DOCK9: variants seen among roughly 807,000 people sequenced by gnomAD.
DOCK9 encodes dedicator of cytokinesis 9.
In DOCK9, 89 loss-of-function variants were observed where a neutral mutation model predicts 263.3. That is an observed-to-expected ratio of 0.34 (90% CI 0.28 to 0.40). The LOEUF is 0.40. DOCK9 is among the 10% of genes least tolerant of loss of function. The pLI is 1.00. For missense variants in DOCK9, 2,140 were observed against 2,603.4 expected (o/e 0.82, Z 3.87); for synonymous variants, 976 against 973.1 (o/e 1.00, Z -0.06).
At chr13:99,024,934 T>C (rs1886544483) in intron 1 of DOCK9, among the ~76,000 whole-genome samples, 1 of 152,198 alleles carries the variant, frequency 6.6e-6, no homozygotes, top group Non-Finnish European at 1.5e-5. Flanking sequence ...CATATTTCCC[T>C]GTTTATAGAA....
At chr13:99,015,717 G>A (rs1470675515) in intron 1 of DOCK9, 5 of 1,424,350 alleles carry the variant, frequency 3.5e-6, no homozygotes, top group Admixed American at 2.6e-5. Context: ...GTGACAAGCA[G>A]TCACCGGTAC....
chr13:98,862,381 A>G (rs957445465), intron 32 of DOCK9, among the ~76,000 whole-genome samples: 6 of 152,170 alleles, frequency 3.9e-5, no homozygotes, highest in African/African-American at 1.4e-4. Flanking sequence ...CCCAATCACT[A>G]GCGTCCTTAT....
At chr13:98,869,502 A>T (rs4772152) in intron 27 of DOCK9, among the ~76,000 whole-genome samples, 77,339 of 152,084 alleles carry the variant, frequency 0.51, 20,086 homozygotes, top group Middle Eastern at 0.6. Flanking sequence ...AGAATAATTT[A>T]CTGAGAGCCT....
intron 1 of DOCK9, among the ~76,000 whole-genome samples, chr13:99,005,282 T>C (rs141017708): frequency 6.6e-6 from 1 of 152,208 alleles, no homozygotes; most frequent in Non-Finnish European, 1.5e-5. Context: ...TCTTAACCAA[T>C]ATGTCTCATA....
chr13:99,003,414 G>C (rs1056305972), intron 1 of DOCK9, among the ~76,000 whole-genome samples: 3 of 152,278 alleles, frequency 2.0e-5, no homozygotes, highest in African/African-American at 7.2e-5. Context: ...CTCACCAGGA[G>C]ATCTCATCCC....
chr13:99,058,792 C>T (rs1318571883), intron 1 of DOCK9, among the ~76,000 whole-genome samples: 3 of 152,162 alleles, frequency 2.0e-5, no homozygotes, highest in Admixed American at 1.3e-4. Context: ...TCATAGGGCA[C>T]ATGTAGCAGC....
intron 1 of DOCK9, among the ~76,000 whole-genome samples, chr13:99,051,362 C>T (rs1371257816): frequency 6.6e-6 from 1 of 152,060 alleles, no homozygotes; most frequent in Admixed American, 6.6e-5. Context: ...TCCTGAAAGT[C>T]CCTGAAGCAG....
At chr13:99,027,232 C>CTGG (rs1248004914) in intron 1 of DOCK9, among the ~76,000 whole-genome samples, 1 of 152,130 alleles carries the variant, frequency 6.6e-6, no homozygotes, top group Admixed American at 6.5e-5. Context: ...ATTGGCCAGG[C>CTGG]TGGTATCGAA....
intron 1 of DOCK9, among the ~76,000 whole-genome samples, chr13:99,030,680 T>C (rs946047498): frequency 6.6e-6 from 1 of 152,230 alleles, no homozygotes; most frequent in Non-Finnish European, 1.5e-5. Flanking sequence ...GACAGACTAA[T>C]GATGCCTCAT....
At chr13:98,887,564 C>T (rs1181747260) in intron 18 of DOCK9, among the ~76,000 whole-genome samples, 2 of 125,678 alleles carry the variant, frequency 1.6e-5, no homozygotes, top group Non-Finnish European at 3.1e-5. Flanking sequence ...TGCAGTGAGC[C>T]GAGATCACAC....
At chr13:98,801,810 C>G (rs1198080347) in intron 49 of DOCK9, among the ~76,000 whole-genome samples, 1 of 152,186 alleles carries the variant, frequency 6.6e-6, no homozygotes, top group Non-Finnish European at 1.5e-5. Flanking sequence ...ACAGGCCCAG[C>G]CCCTGTGAAA....
rs753936740 is a variant in DOCK9, at chr13:98,829,338, C to T, written c.4934G>A (p.Arg1645Lys). The change falls in exon 43 of 53, where the codon AGG (arginine) becomes AAG (lysine). Residue 1645 changes from arginine (R) to lysine (K), a missense_variant. Physicochemically the swap from Arg to Lys is conservative, Grantham distance 26. Coordinates refer to ENST00000682017, the MANE Select transcript of DOCK9 (RefSeq NM_001366683.2). This position sits in a 1 kb window ranked among gnomAD's most constrained non-coding sequence, Gnocchi z 4.1. Reference sequence around the variant, plus strand: ...GAGATCGCCATTTTTGACATGGATCCTGGCCATGCTGTCGAGCCACGTCTT... The same window carrying T: ...GAGATCGCCATTTTTGACATGGATCTTGGCCATGCTGTCGAGCCACGTCTT... ...LRKTWLDSMA[R>K]IHVKNGDLSE... 6.2e-7 allele frequency: 1 copy of T among 1,613,172 alleles called. No individual in the cohort carries two copies. The highest frequency in any genetic ancestry group is 8.5e-7 in the Non-Finnish European group (1 of 1,179,642).
At chr13:98,852,790 A>G (rs1231086347) in intron 35 of DOCK9, among the ~76,000 whole-genome samples, 1 of 152,212 alleles carries the variant, frequency 6.6e-6, no homozygotes, top group Admixed American at 6.5e-5. Flanking sequence ...TGTCACACAC[A>G]TTTGCAAGCC....
chr13:98,951,930 T>G (rs1440932048), intron 2 of DOCK9, among the ~76,000 whole-genome samples: 1 of 126,772 alleles, frequency 7.9e-6, no homozygotes, highest in Non-Finnish European at 1.7e-5. Context: ...GGAGTTTTCC[T>G]CTTGTCCCCC....
intron 1 of DOCK9, among the ~76,000 whole-genome samples, chr13:99,044,149 C>T (rs1888738377): frequency 1.3e-5 from 2 of 152,238 alleles, no homozygotes; most frequent in East Asian, 1.9e-4. Flanking sequence ...TCACGCGACA[C>T]TGTTGAATGC....
At chr13:99,086,141 G>T (rs1480560780) in intron 1 of DOCK9, 1 of 1,387,710 alleles carries the variant, frequency 7.2e-7, no homozygotes, top group South Asian at 1.5e-5. Context: ...CAGCCCTGCC[G>T]ACTAAGAGGC....
rs913105672 is a variant in DOCK9 at position 99,075,924 on chromosome 13, A to T, written c.129+10299T>A. Among the ~76,000 whole-genome samples the T allele has an allele frequency of 5.9e-5, 9 of 152,114 alleles. No homozygotes were observed. In the East Asian group the frequency reaches 1.7e-3, roughly 29 times the overall value. On this transcript the variant is annotated intron_variant, in intron 1 of 32. Coordinates refer to the DOCK9 transcript ENST00000427887. ...AGATTAACATTCAATAGAGGGGGGA[A>T]GTCTCTACTACAGGCCCTGACCCAG...
chr13:98,841,794 C>CATTATTATTATT (rs71114554), intron 38 of DOCK9, among the ~76,000 whole-genome samples: 3 of 149,114 alleles, frequency 2.0e-5, no homozygotes, highest in Non-Finnish European at 3.0e-5. Flanking sequence ...GATTTTTCTG[C>CATTATTATTATT]ATTATTATTA....
chr13:98,974,241 C>G (rs1252987877), intron 1 of DOCK9, among the ~76,000 whole-genome samples: 1 of 152,040 alleles, frequency 6.6e-6, no homozygotes, highest in African/African-American at 2.4e-5. Flanking sequence ...CAAGAATATC[C>G]TGCCTGTTCC....
Sources: gnomAD v4.1 joint callset for allele counts (sites outside exome capture counted in the v4.1 genomes callset) on GRCh38, gnomAD v4.1.1 for gene constraint, Gnocchi (gnomAD v3.1) non-coding constraint, MANE v1.5 for transcripts, NCBI Gene and HGNC (gene_info 2026-07-23, HGNC 2026-07-21) for gene names.